The following DNAH17 variants were observed in gnomAD, a reference collection of about 807,000 sequenced individuals.
DNAH17 encodes dynein axonemal heavy chain 17, also known as axonemal beta dynein heavy chain 17.
A neutral mutation model predicts 485.6 loss-of-function variants in DNAH17; 376 were observed. The ratio of observed to expected loss-of-function variants is 0.77; its 90% CI spans 0.71 to 0.84. DNAH17 has a LOEUF of 0.84. Ranked by LOEUF, DNAH17 falls within the 40% of genes least tolerant of loss-of-function variation. The pLI, the probability that DNAH17 is intolerant of heterozygous loss-of-function variation, is 0.00. For missense variants in DNAH17, 6,370 were observed against 5,839.3 expected (o/e 1.09, Z -2.96); for synonymous variants, 3,031 against 2,405.9 (o/e 1.26, Z -7.60).
chr17:78,552,847 G>T, intron 14 of DNAH17, 42 bp from the exon 15 acceptor site: 1 of 1,410,044 alleles, frequency 7.1e-7, no homozygotes, highest in Non-Finnish European at 1.0e-6. Flanking sequence ...AGTCCAACCA[G>T]ATTTTAAATT....
intron 73 of DNAH17, among the ~76,000 whole-genome samples, chr17:78,438,292 G>T (rs1436653513): frequency 1.3e-5 from 2 of 150,088 alleles, no homozygotes; most frequent in Non-Finnish European, 3.0e-5. Flanking sequence ...GGCGCTCGAG[G>T]ACAAGCGGTA....
At chr17:78,467,235 C>T (rs2146559712) in intron 55 of DNAH17, among the ~76,000 whole-genome samples, 1 of 152,326 alleles carries the variant, frequency 6.6e-6, no homozygotes, top group East Asian at 1.9e-4. Flanking sequence ...GGGATCCCAG[C>T]TGGAGAAGGT....
chr17:78,465,060 C>G (rs2088350030), intron 56 of DNAH17, among the ~76,000 whole-genome samples: 2 of 152,220 alleles, frequency 1.3e-5, no homozygotes, highest in South Asian at 4.1e-4. Context: ...CCTGACTCAG[C>G]CTGCCCAGTG....
chr17:78,558,447 C>CTAACATCACCCTCATGGGTGGA (rs1568252608), intron 13 of DNAH17, among the ~76,000 whole-genome samples, 193 bp from the exon 14 acceptor site: 1 of 89,464 alleles, frequency 1.1e-5, no homozygotes, highest in African/African-American at 4.1e-5. Context: ...CCGGAAAGCA[C>CTAACATCACCCTCATGGGTGGA]TGACATCACC....
intron 31 of DNAH17, among the ~76,000 whole-genome samples, chr17:78,504,264 C>A (rs1411879258): frequency 6.6e-6 from 1 of 152,046 alleles, no homozygotes; most frequent in Non-Finnish European, 1.5e-5. Context: ...CCAGTTTCGC[C>A]GTGTTAGCCA....
chr17:78,572,282 C>T (rs2092370090), intron 3 of DNAH17, among the ~76,000 whole-genome samples: 1 of 151,944 alleles, frequency 6.6e-6, no homozygotes, highest in African/African-American at 2.4e-5. Context: ...GGCACCGCAG[C>T]CTCTACACAG....
chr17:78,532,977 G>A, intron 19 of DNAH17: 1 of 404,616 alleles, frequency 2.5e-6, no homozygotes, highest in East Asian at 4.7e-5. Context: ...CTACAGCCCA[G>A]AACTCCTGGG....
At chr17:78,554,183 A>G (rs1465912154) in intron 14 of DNAH17, among the ~76,000 whole-genome samples, 1 of 152,150 alleles carries the variant, frequency 6.6e-6, no homozygotes, top group Non-Finnish European at 1.5e-5. Flanking sequence ...TAACAATAGT[A>G]TAGTTTCTCA....
rs1289209575 is a variant in DNAH17 at position 78,515,039 on chromosome 17, C to T, written c.3865-17G>A. ...GGTATTTACCTGAAACGAAAACATC[C>T]CGTTTCTCCTTCCACTCTCATCAAG... On this transcript the variant is annotated splice_polypyrimidine_tract_variant and intron_variant, in intron 25 of 80. Transcript: ENST00000389840. The T allele has an allele frequency of 1.9e-6, 3 of 1,612,102 alleles. No individual in the cohort carries two copies. In the African/African-American group the frequency reaches 4.0e-5, roughly 22 times the overall value.
intron 16 of DNAH17, among the ~76,000 whole-genome samples, chr17:78,544,446 G>A (rs373704359): frequency 2.0e-5 from 3 of 152,182 alleles, no homozygotes; most frequent in East Asian, 1.9e-4. Flanking sequence ...ACAAGGGTGG[G>A]AAAGGGTAGA....
Position 78,560,770 on chromosome 17 carries a change from G to A in DNAH17, c.2001C>T (p.Ser667=), listed in dbSNP as rs1246624371. The A allele has an allele frequency of 3.9e-6, 6 of 1,552,224 alleles. No homozygotes were observed. Among genetic ancestry groups the A allele is most frequent in the Non-Finnish European group, 5.2e-6 (6 of 1,147,322 alleles). ...GQPLILRDAA[S]NLIHVNFSKA... ...TGCTGAAGTTGACGTGGATGAGGTT[G>A]CTAGCGGCGTCCCGCAGAATCAGCG... The change falls in exon 13 of 81, where the codon AGC becomes AGT. Residue 667 remains serine, a synonymous_variant. Coordinates refer to ENST00000389840, the MANE Select transcript of DNAH17 (RefSeq NM_173628.4).
At position 78,491,304 on chromosome 17, in the gene DNAH17, G is replaced by A. The variant is rs893024304; in HGVS notation, c.6669+139C>T. ...CACGACAAGGTGCCCCTCACTCATA[G>A]CTTCCTGTGGAGATCCAGACACGCC... On this transcript the variant is annotated intron_variant, in intron 43 of 80. Coordinates refer to ENST00000389840, the MANE Select transcript of DNAH17 (RefSeq NM_173628.4). The A allele has an allele frequency of 2.4e-6, 3 of 1,270,626 alleles. No individual in the cohort carries two copies. In the Admixed American group the frequency reaches 8.0e-5, roughly 34 times the overall value. The allele number at this position is 1,270,626 out of a possible 1,614,324, so 78.7% of individuals were successfully genotyped here. A position where few individuals can be genotyped will look rare whatever the true frequency, so the allele number is the denominator to read the frequency against.
chr17:78,545,483 G>A (rs1598696857), intron 16 of DNAH17, among the ~76,000 whole-genome samples: 2 of 152,250 alleles, frequency 1.3e-5, no homozygotes, highest in East Asian at 3.9e-4. Context: ...AGATGATGAT[G>A]GCCGCCTTCT....
At chr17:78,456,686 A>C (rs1378239744) in intron 62 of DNAH17, among the ~76,000 whole-genome samples, 1 of 152,204 alleles carries the variant, frequency 6.6e-6, no homozygotes, top group African/African-American at 2.4e-5. Context: ...TGTTTGTTGC[A>C]AGTCCAGGTT....
At chr17:78,486,705 C>T (rs1277634002) in intron 44 of DNAH17, among the ~76,000 whole-genome samples, 199 bp from the exon 45 acceptor site, 1 of 152,148 alleles carries the variant, frequency 6.6e-6, no homozygotes, top group African/African-American at 2.4e-5. Context: ...GAGGAGGATG[C>T]CAGGGTCGTG....
At chr17:78,548,482 G>A (rs1045916893) in intron 16 of DNAH17, among the ~76,000 whole-genome samples, 2 of 152,174 alleles carry the variant, frequency 1.3e-5, no homozygotes, top group African/African-American at 2.4e-5. Context: ...GGGATTACAC[G>A]CATGAGCCAC....
At position 78,509,163 on chromosome 17, in the gene DNAH17, C is replaced by T. The variant is rs2090568011; in HGVS notation, c.4236+1221G>A. 5.4e-5 allele frequency among the ~76,000 whole-genome samples: 2 copies of T among 36,790 alleles called. 1 individual carries two copies. The highest frequency in any genetic ancestry group is 3.1e-4 in the African/African-American group (2 of 6,478). 24.1% of individuals were successfully genotyped at this position (36,790 alleles called of 152,430 possible). A position where few individuals can be genotyped will look rare whatever the true frequency, so the allele number is the denominator to read the frequency against. ...TGTATTTTTAGCAAAGATGGGTTTT[C>T]ACCATGTTGGCCAGGCTGGTCTCAA... On this transcript the variant is annotated intron_variant, in intron 27 of 80. Coordinates refer to ENST00000389840, the MANE Select transcript of DNAH17 (RefSeq NM_173628.4).
At chr17:78,454,734 G>A (rs757261275) in intron 63 of DNAH17, 29 bp from the exon 64 acceptor site, 32 of 1,571,030 alleles carry the variant, frequency 2.0e-5, no homozygotes, top group African/African-American at 8.1e-5. Flanking sequence ...TTTCTTAGAG[G>A]GGGTAATGCG....
intron 17 of DNAH17, among the ~76,000 whole-genome samples, chr17:78,540,683 T>C (rs66689315): frequency 0.76 from 34,376 of 45,340 alleles, 13,324 homozygotes; most frequent in African/African-American, 0.77. Flanking sequence ...GATGGACAGA[T>C]GGATGGGTGG....
Sources: allele counts gnomAD v4.1 joint callset (sites outside exome capture counted in the v4.1 genomes callset), GRCh38; gene constraint gnomAD v4.1.1; transcripts MANE v1.5; gene names NCBI Gene and HGNC (gene_info 2026-07-23, HGNC 2026-07-21).